Variants in ACCSL observed in about 807,000 individuals in gnomAD.
ACCSL encodes probable inactive 1-aminocyclopropane-1-carboxylate synthase-like protein 2.
In ACCSL, 55 loss-of-function variants were observed where a neutral mutation model predicts 61.7. The ratio of observed to expected loss-of-function variants is 0.89; its 90% confidence interval spans 0.72 to 1.12. The LOEUF (loss-of-function observed/expected upper bound fraction) is 1.12. Among genes scored for constraint, ACCSL ranks in the 50% most tolerant of loss-of-function variants. The pLI is 0.00. For missense variants in ACCSL, 632 were observed against 698.0 expected (o/e 0.91, Z 1.07); for synonymous variants, 258 against 264.3 (o/e 0.98, Z 0.23).
At chr11:44,058,772 C>A in intron 13 of ACCSL, 73 bp downstream of exon 13, 1 of 1,511,390 alleles carries the variant, frequency 6.6e-7, no homozygotes, top group Non-Finnish European at 9.0e-7. Context: ...TCCCCCACCC[C>A]CCTTAAACAT....
the ACCSL span, among the ~76,000 whole-genome samples, chr11:44,036,855 C>T: frequency 1.3e-5 from 2 of 151,812 alleles, no homozygotes; most frequent in Admixed American, 1.3e-4. Flanking sequence ...GGTTCCTCTA[C>T]CTCTCTCTGG....
intron 1 of ACCSL, among the ~76,000 whole-genome samples, chr11:44,049,415 G>C (rs1261524392): frequency 5.1e-5 from 4 of 78,648 alleles, no homozygotes; most frequent in Admixed American, 3.6e-4. Context: ...GTGGGACCCT[G>C]TCTCAAAAAA....
At chr11:44,017,623 G>C in the ACCSL span, among the ~76,000 whole-genome samples, 2 of 152,118 alleles carry the variant, frequency 1.3e-5, no homozygotes, top group African/African-American at 4.8e-5. Context: ...CCAGACATCA[G>C]GTTCAGATGT....
At chr11:44,007,443 G>A in the ACCSL span, among the ~76,000 whole-genome samples, 1 of 152,164 alleles carries the variant, frequency 6.6e-6, no homozygotes, top group Non-Finnish European at 1.5e-5. Flanking sequence ...TGCAAAAGCT[G>A]GGGGACTCCA....
chr11:43,977,613 T>G, the ACCSL span, among the ~76,000 whole-genome samples: 2 of 152,240 alleles, frequency 1.3e-5, no homozygotes, highest in Non-Finnish European at 2.9e-5. Context: ...TCTGACCTCC[T>G]TCTGAACTCT....
the ACCSL span, among the ~76,000 whole-genome samples, chr11:44,012,731 C>CA: frequency 3.3e-5 from 5 of 152,190 alleles, no homozygotes; most frequent in Admixed American, 2.0e-4. Context: ...TAAAGATGTT[C>CA]ATTGCAGTGT....
chr11:43,959,468 T>C, the ACCSL span, among the ~76,000 whole-genome samples: 1 of 152,358 alleles, frequency 6.6e-6, no homozygotes, highest in South Asian at 2.1e-4. Context: ...ATTATAGCAG[T>C]TGGAATTAGC....
the ACCSL span, among the ~76,000 whole-genome samples, chr11:43,929,030 A>G: frequency 0.015 from 2,211 of 152,336 alleles, 21 homozygotes; most frequent in Non-Finnish European, 0.021. Flanking sequence ...ACCTGGTTCT[A>G]GTTCCAGCTC....
Position 44,052,741 on chromosome 11 carries a change from T to C in ACCSL, c.852T>C (p.Pro284=). ...SRLYAKVELI[P]VHLESEVTVT... is the part of the protein sequence containing the mutation. ...TGTATGCAAAGGTTGAGTTGATTCCTGTCCACCTGGAGAGTGAGGTCTGAA... is the reference window on the plus strand; with the variant it reads ...TGTATGCAAAGGTTGAGTTGATTCCCGTCCACCTGGAGAGTGAGGTCTGAA... Residue 284 remains proline, a synonymous_variant, in exon 6 of 14, where the codon CCT becomes CCC. Coordinates refer to ENST00000378832, the MANE Select transcript of ACCSL (RefSeq NM_001031854.2). 1 of 1,614,140 alleles carries C rather than the reference T, an allele frequency of 6.2e-7. No individual in the cohort carries two copies. Among genetic ancestry groups the C allele is most frequent in the Non-Finnish European group, 8.5e-7 (1 of 1,180,002 alleles).
the ACCSL span, among the ~76,000 whole-genome samples, chr11:43,928,449 TC>T: frequency 1.3e-5 from 2 of 152,140 alleles, no homozygotes; most frequent in African/African-American, 4.8e-5. Context: ...TTGGCTTACC[TC>T]CATGACCACA....
At chr11:43,992,660 T>C in the ACCSL span, among the ~76,000 whole-genome samples, 1 of 152,354 alleles carries the variant, frequency 6.6e-6, no homozygotes, top group Admixed American at 6.5e-5. Context: ...TGTTAGAGAT[T>C]CATGCGCCAC....
chr11:43,951,107 A>C, the ACCSL span, among the ~76,000 whole-genome samples: 1 of 152,208 alleles, frequency 6.6e-6, no homozygotes, highest in East Asian at 1.9e-4. Context: ...CATAGCACTA[A>C]GAAGTGGTTG....
the ACCSL span, chr11:43,925,418 C>T: frequency 3.9e-5 from 18 of 456,082 alleles, no homozygotes; most frequent in South Asian, 2.5e-4. Flanking sequence ...ATCGTCTCCA[C>T]GCTGCACCAG....
the ACCSL span, among the ~76,000 whole-genome samples, chr11:44,018,063 G>T: frequency 1.3e-5 from 2 of 152,122 alleles, no homozygotes; most frequent in Non-Finnish European, 1.5e-5. Flanking sequence ...AGGGATCCAG[G>T]GGACTGGAGT....
chr11:43,946,820 G>T, the ACCSL span, among the ~76,000 whole-genome samples: 1,285 of 152,248 alleles, frequency 8.4e-3, 16 homozygotes, highest in African/African-American at 0.029. Flanking sequence ...TCCCAGAGAG[G>T]CAGAGGGAGG....
the ACCSL span, among the ~76,000 whole-genome samples, chr11:44,034,422 T>G: frequency 6.6e-6 from 1 of 152,220 alleles, no homozygotes; most frequent in Non-Finnish European, 1.5e-5. Flanking sequence ...TCTGTTTTCA[T>G]GCTGCTGATA....
At chr11:43,998,282 G>A in the ACCSL span, among the ~76,000 whole-genome samples, 1 of 152,180 alleles carries the variant, frequency 6.6e-6, no homozygotes, top group African/African-American at 2.4e-5. Context: ...TGGAGGGCGA[G>A]TGTGTGGGTG....
chr11:44,007,627 CTTGAACCT>C, the ACCSL span, among the ~76,000 whole-genome samples: 1 of 152,200 alleles, frequency 6.6e-6, no homozygotes, highest in Non-Finnish European at 1.5e-5. Flanking sequence ...AAAGGCAGCA[CTTGAACCT>C]TTCCTCTGCC....
chr11:43,942,932 G>C, the ACCSL span: 1 of 1,433,168 alleles, frequency 7.0e-7, no homozygotes, highest in Non-Finnish European at 9.1e-7. Context: ...CGAGCTGATG[G>C]GCATCTGCTC....
Sources: gnomAD v4.1 joint callset for allele counts (sites outside exome capture counted in the v4.1 genomes callset) on GRCh38, gnomAD v4.1.1 for gene constraint, MANE v1.5 for transcripts, NCBI Gene and HGNC (gene_info 2026-07-23, HGNC 2026-07-21) for gene names.